Variants in SUSD5 observed in about 807,000 individuals in gnomAD.
The protein encoded by SUSD5 is sushi domain containing 5, also known as sushi domain-containing protein 5.
Under a neutral mutation model 29.5 loss-of-function variants are expected in SUSD5, and 33 were observed. That is an observed-to-expected ratio of 1.12 (90% CI 0.85 to 1.49). The LOEUF is 1.49. Among genes scored for constraint, SUSD5 ranks in the 40% most tolerant of loss-of-function variants. The pLI is 0.00. For synonymous variants in SUSD5, 308 were observed against 325.3 expected (o/e 0.95, Z 0.57); for missense variants, 776 against 800.6 (o/e 0.97, Z 0.37).
Position 33,151,723 on chromosome 3 carries a change from C to G in SUSD5, c.*1019G>C, listed in dbSNP as rs1040464635. 1 of 152,162 alleles carries G rather than the reference C, an allele frequency of 6.6e-6. No homozygotes were observed. Among genetic ancestry groups the G allele is most frequent in the African/African-American group, 2.4e-5 (1 of 41,420 alleles). The allele number at this position is 152,162 out of a possible 1,614,324, so 9.4% of individuals were successfully genotyped here. On this transcript the variant is annotated 3_prime_UTR_variant, in exon 5 of 5. Transcript: ENST00000309558. ...TGCTTCTGAGAGGAAATGGTACTTA[C>G]TGGTACAAAGCTAACTTTGTTTTTA...
chr3:33,154,913 AAAGTTT>A (rs2031015686), intron 4 of SUSD5, among the ~76,000 whole-genome samples: 1 of 152,248 alleles, frequency 6.6e-6, no homozygotes, highest in Non-Finnish European at 1.5e-5. Flanking sequence ...ACTGAATGTT[AAAGTTT>A]ATGGAAATGC....
intron 3 of SUSD5, among the ~76,000 whole-genome samples, chr3:33,186,146 C>CA (rs2031773071): frequency 6.6e-6 from 1 of 151,806 alleles, no homozygotes; most frequent in Admixed American, 6.6e-5. Flanking sequence ...TACTAAAATA[C>CA]AAAAAATTAG....
chr3:33,207,937 C>A lies in SUSD5; in HGVS notation c.291-11G>T, dbSNP rs1559457279. The stretch of plus-strand genomic sequence containing the variant: ...CTACACACAGTTGTTCTGAAATAGA[C>A]AAAAAAGGCACTGAATGAGGAAAAC... On this transcript the variant is annotated splice_polypyrimidine_tract_variant and intron_variant, in intron 2 of 4. Coordinates refer to ENST00000309558, the MANE Select transcript of SUSD5 (RefSeq NM_015551.2). 6.3e-7 allele frequency: 1 copy of A among 1,594,736 alleles called. No individual in the cohort carries two copies. Among genetic ancestry groups the A allele is most frequent in the East Asian group, 2.2e-5 (1 of 44,718 alleles).
intron 4 of SUSD5, chr3:33,168,471 GA>G: frequency 2.1e-6 from 2 of 968,380 alleles, no homozygotes; most frequent in Non-Finnish European, 2.5e-6. Flanking sequence ...GTTAATTTAA[GA>G]AAACAAAATA....
At chr3:33,165,195 G>A (rs11709715) in intron 4 of SUSD5, among the ~76,000 whole-genome samples, 126,120 of 152,220 alleles carry the variant, frequency 0.83, 52,831 homozygotes, top group East Asian at 1. Flanking sequence ...AAGAAAAAGA[G>A]TGAACAGCTC....
intron 3 of SUSD5, among the ~76,000 whole-genome samples, chr3:33,180,788 C>A (rs888137272): frequency 1.3e-5 from 2 of 151,670 alleles, no homozygotes; most frequent in African/African-American, 4.8e-5. Context: ...TGCAATGAGT[C>A]GAGGTTGTGC....
At chr3:33,174,372 G>C (rs548460377) in intron 4 of SUSD5, among the ~76,000 whole-genome samples, 66 of 152,258 alleles carry the variant, frequency 4.3e-4, no homozygotes, top group Non-Finnish European at 8.4e-4. Context: ...ATAAGAGTCT[G>C]AATGTCTTGC....
At chr3:33,156,331 G>A (rs1426359132) in intron 4 of SUSD5, among the ~76,000 whole-genome samples, 3 of 152,138 alleles carry the variant, frequency 2.0e-5, no homozygotes, top group Admixed American at 6.5e-5. Flanking sequence ...GAGTCACCGC[G>A]CCCGGCCCCC....
chr3:33,203,505 C>T (rs529039339), intron 3 of SUSD5, among the ~76,000 whole-genome samples: 8 of 152,336 alleles, frequency 5.3e-5, no homozygotes, highest in African/African-American at 1.2e-4. Context: ...TGCTCTGGGA[C>T]GCAGGGCCCT....
chr3:33,177,755 T>A (rs988825290), intron 3 of SUSD5, among the ~76,000 whole-genome samples: 1 of 152,260 alleles, frequency 6.6e-6, no homozygotes, highest in Non-Finnish European at 1.5e-5. Context: ...GTTAACCTTG[T>A]ATCCTGCAAT....
intron 4 of SUSD5, chr3:33,168,674 G>A: frequency 2.4e-6 from 2 of 829,048 alleles, no homozygotes; most frequent in Non-Finnish European, 2.9e-6. Context: ...TTTTGAGACA[G>A]AATCTCACTC....
At chr3:33,213,335 T>C (rs2032357820) in intron 2 of SUSD5, among the ~76,000 whole-genome samples, 1 of 152,016 alleles carries the variant, frequency 6.6e-6, no homozygotes, top group South Asian at 2.1e-4. Context: ...GCCCAGGATG[T>C]TGAGGCTGCA....
rs58581889 is a variant in SUSD5 at position 33,214,026 on chromosome 3, C to T, written c.192G>A (p.Arg64=). The T allele has an allele frequency of 1.3e-3, 2,107 of 1,613,678 alleles. 23 individuals are homozygous for T. In the African/African-American group the frequency reaches 0.024, roughly 18 times the overall value. ...CGTCTGCAGATGCCAGGTGAGCGCC[C>T]CTGCTCTTGCAGGAAAGCCGAGCAG... ...LEAARLSCKS[R]GAHLASADEL... The change falls in exon 2 of 5, where the codon AGG becomes AGA. Residue 64 remains arginine, a synonymous_variant. Transcript: ENST00000309558.
chr3:33,191,929 A>T (rs1214505347), intron 3 of SUSD5, among the ~76,000 whole-genome samples: 2 of 152,098 alleles, frequency 1.3e-5, no homozygotes, highest in Non-Finnish European at 2.9e-5. Context: ...CAGAGTTAAG[A>T]TCCTGTCTCT....
rs1336172398 is a variant in SUSD5, at chr3:33,204,680, C to T, written c.409+3128G>A. ...TTGTTTTGTTTTTGAGACAGTCTTG[C>T]TCTGTCGCCCAGGATGGAGTGCAGT... On this transcript the variant is annotated intron_variant, in intron 3 of 4. Transcript: ENST00000309558. The surrounding 1 kb of genome is among the most constrained non-coding windows in gnomAD (Gnocchi z 4.5). Among the ~76,000 whole-genome samples the T allele has an allele frequency of 5.3e-5, 8 of 150,036 alleles. No individual in the cohort carries two copies. The highest frequency in any genetic ancestry group is 2.0e-4 in the African/African-American group (8 of 40,738).
intron 3 of SUSD5, among the ~76,000 whole-genome samples, chr3:33,195,030 A>G (rs1232495875): frequency 6.6e-6 from 1 of 152,144 alleles, no homozygotes; most frequent in Non-Finnish European, 1.5e-5. Flanking sequence ...CCCCGTCTCT[A>G]CTAAAAATAC....
intron 3 of SUSD5, among the ~76,000 whole-genome samples, chr3:33,185,858 G>T (rs897764922): frequency 6.6e-6 from 1 of 152,120 alleles, no homozygotes; most frequent in Middle Eastern, 3.4e-3. Context: ...ATGCTTCAAT[G>T]AACAGTCTCA....
chr3:33,168,474 A>G, intron 4 of SUSD5: 2 of 972,648 alleles, frequency 2.1e-6, no homozygotes, highest in Non-Finnish European at 2.4e-6. Flanking sequence ...AATTTAAGAA[A>G]ACAAAATAAT....
intron 3 of SUSD5, among the ~76,000 whole-genome samples, chr3:33,180,207 G>T (rs2031639170): frequency 6.6e-6 from 1 of 152,176 alleles, no homozygotes; most frequent in African/African-American, 2.4e-5. Flanking sequence ...TATAATAGGA[G>T]ATGACAGCTC....
Sources: allele counts gnomAD v4.1 joint callset (sites outside exome capture counted in the v4.1 genomes callset), GRCh38; gene constraint gnomAD v4.1.1; non-coding constraint Gnocchi (gnomAD v3.1); transcripts MANE v1.5; gene names NCBI Gene and HGNC (gene_info 2026-07-23, HGNC 2026-07-21).